Variants in SLC30A6 observed in about 807,000 individuals in gnomAD.
SLC30A6 encodes zinc transporter 6.
SLC30A6 carries 55 observed loss-of-function variants against 63.0 expected under a neutral mutation model. The observed-to-expected ratio is 0.87, with a 90% CI of 0.70 to 1.09. SLC30A6 has a LOEUF of 1.09. Among genes scored for constraint, SLC30A6 ranks in the 50% least tolerant of loss-of-function variants. The probability of loss-of-function intolerance (pLI) is 0.00; values close to 1 mark genes in which losing one functional copy is unlikely to be tolerated. For missense variants in SLC30A6, 587 were observed against 549.2 expected (o/e 1.07, Z -0.69); for synonymous variants, 224 against 186.1 (o/e 1.20, Z -1.66).
Position 32,193,944 on chromosome 2 carries a change from CT to C in SLC30A6, c.460del (p.Ser154LeufsTer45). 6.2e-7 allele frequency: 1 copy of C among 1,613,524 alleles called. No homozygotes were observed. Among genetic ancestry groups the C allele is most frequent in the Non-Finnish European group, 8.5e-7 (1 of 1,179,726 alleles). ...VALCFNLFTM[L>X]SIRNKPFAYV... ...TCTTTGTTTCAACCTGTTCACGATG[CT>C]TTCTATTCGGAATAAACCTTTTGCT... On this transcript the variant is annotated frameshift_variant, in exon 8 of 14. Coordinates refer to ENST00000282587, the MANE Select transcript of SLC30A6 (RefSeq NM_017964.5). LOFTEE classifies it high-confidence loss of function.
intron 5 of SLC30A6, among the ~76,000 whole-genome samples, chr2:32,188,723 C>G (rs1372396042): frequency 1.3e-5 from 2 of 152,082 alleles, no homozygotes; most frequent in Non-Finnish European, 2.9e-5. Flanking sequence ...GGGACCCTGT[C>G]TTGTTTTCTG....
chr2:32,205,231 C>T (rs1684648282), intron 11 of SLC30A6, among the ~76,000 whole-genome samples: 2 of 152,064 alleles, frequency 1.3e-5, no homozygotes, highest in African/African-American at 4.8e-5. Context: ...CCAGCCTGGC[C>T]AACATGGTGA....
intron 6 of SLC30A6, 70 bp from the exon 7 acceptor site, chr2:32,192,848 G>T: frequency 1.0e-6 from 1 of 981,490 alleles, no homozygotes; most frequent in Non-Finnish European, 1.5e-6. Flanking sequence ...GTGGGTGAAT[G>T]ATATATTTAA....
intron 13 of SLC30A6, among the ~76,000 whole-genome samples, chr2:32,214,813 T>A (rs139978976): frequency 1.9e-3 from 293 of 152,368 alleles, no homozygotes; most frequent in African/African-American, 6.6e-3. Context: ...TTATTTTAAT[T>A]ACTTTGATTT....
chr2:32,205,492 A>C (rs1377371378), intron 11 of SLC30A6, among the ~76,000 whole-genome samples: 1 of 152,066 alleles, frequency 6.6e-6, no homozygotes, highest in Non-Finnish European at 1.5e-5. Flanking sequence ...TAGTTACTGG[A>C]AGCCCCTGCT....
At chr2:32,213,796 C>CTTTTTTTTTTT (rs767073182) in intron 13 of SLC30A6, among the ~76,000 whole-genome samples, 1 of 106,776 alleles carries the variant, frequency 9.4e-6, no homozygotes, top group Non-Finnish European at 1.8e-5. Context: ...CTAGGATAAA[C>CTTTTTTTTTTT]TTTTTTTTTT....
intron 5 of SLC30A6, among the ~76,000 whole-genome samples, chr2:32,184,679 C>T (rs1358660636): frequency 1.3e-5 from 2 of 152,118 alleles, no homozygotes; most frequent in East Asian, 1.9e-4. Context: ...ACAGGAGAAT[C>T]GCTGGAACCC....
At chr2:32,211,057 A>AT (rs901698383) in intron 13 of SLC30A6, among the ~76,000 whole-genome samples, 4 of 152,072 alleles carry the variant, frequency 2.6e-5, no homozygotes, top group Non-Finnish European at 4.4e-5. Context: ...TTTTAAGCTA[A>AT]TTTTCTCGCT....
chr2:32,206,638 G>T (rs1041477088), intron 11 of SLC30A6, among the ~76,000 whole-genome samples: 13 of 152,104 alleles, frequency 8.5e-5, no homozygotes, highest in African/African-American at 2.9e-4. Context: ...ATTTTTTGTT[G>T]GTTGGTTGGT....
chr2:32,209,681 C>G (rs1181957492), intron 13 of SLC30A6, 120 bp downstream of exon 13: 19 of 800,092 alleles, frequency 2.4e-5, no homozygotes, highest in Non-Finnish European at 3.7e-5. Context: ...TTATGTTAAG[C>G]AGAGTCTAAA....
At chr2:32,219,399 CCCT>C (rs1685972988) in intron 13 of SLC30A6, among the ~76,000 whole-genome samples, 1 of 151,788 alleles carries the variant, frequency 6.6e-6, no homozygotes, top group Admixed American at 6.6e-5. Context: ...TCTTCTCTCT[CCCT>C]CCTCCTTCTT....
In SLC30A6 at chr2:32,183,164, G is replaced by A. The variant is rs1018117097; in HGVS notation, c.219-1109G>A. Among the ~76,000 whole-genome samples the A allele has an allele frequency of 2.6e-5, 4 of 152,018 alleles. No individual in the cohort carries two copies. The East Asian group carries it at 7.7e-4, about 29-fold the overall frequency. ...ATCGCGCCATTGCACTCCAGCCTGG[G>A]CGATAGAGTGAGACTCCATCTAAAA... On this transcript the variant is annotated intron_variant, in intron 4 of 13. Transcript: ENST00000282587.
At chr2:32,175,610 GAAAGT>G (rs68111912) in intron 4 of SLC30A6, among the ~76,000 whole-genome samples, 15,132 of 152,154 alleles carry the variant, frequency 0.099, 800 homozygotes, top group Middle Eastern at 0.21. Flanking sequence ...TTGCTTAAAG[GAAAGT>G]AATCTACTAA....
chr2:32,203,360 G>A, intron 10 of SLC30A6: 1 of 969,280 alleles, frequency 1.0e-6, no homozygotes, highest in Non-Finnish European at 1.7e-6. Context: ...TTCTACAATG[G>A]ATTTAGTTAA....
chr2:32,190,809 A>G (rs1683262135), intron 5 of SLC30A6, among the ~76,000 whole-genome samples: 1 of 152,166 alleles, frequency 6.6e-6, no homozygotes, highest in Non-Finnish European at 1.5e-5. Context: ...TATTTTTAGT[A>G]GAGACTGGGT....
chr2:32,192,778 T>C (rs1683447508), intron 6 of SLC30A6, 140 bp from the exon 7 acceptor site: 1 of 529,492 alleles, frequency 1.9e-6, no homozygotes, highest in East Asian at 3.3e-5. Context: ...ATGAGTCTCC[T>C]TGCCTCATCA....
At chr2:32,166,267 A>T (rs972870018) in intron 1 of SLC30A6, among the ~76,000 whole-genome samples, 1 of 152,102 alleles carries the variant, frequency 6.6e-6, no homozygotes, top group Non-Finnish European at 1.5e-5. Context: ...CAACAACTGT[A>T]ATAGTGATTC....
rs144777220 is a variant in SLC30A6 at position 32,172,315 on chromosome 2, C to T, written c.90+942C>T. Among the ~76,000 whole-genome samples, 1,431 of 152,262 alleles carry T rather than the reference C, an allele frequency of 9.4e-3. 26 individuals are homozygous for T. Among genetic ancestry groups the T allele is most frequent in the South Asian group, 0.049 (235 of 4,824 alleles). On this transcript the variant is annotated intron_variant, in intron 2 of 13. Transcript: ENST00000282587. The stretch of plus-strand genomic sequence containing the variant: ...CCATATTTTCACTATTTTTCAACTC[C>T]GTTATCCTCATTTGCTTCCTTATCC...
At chr2:32,198,009 T>C (rs1683950761) in intron 10 of SLC30A6, among the ~76,000 whole-genome samples, 183 bp downstream of exon 10, 1 of 152,192 alleles carries the variant, frequency 6.6e-6, no homozygotes, top group African/African-American at 2.4e-5. Context: ...TCAATAAGTA[T>C]TTCTTACCAC....
Sources: allele counts gnomAD v4.1 joint callset (sites outside exome capture counted in the v4.1 genomes callset), GRCh38; gene constraint gnomAD v4.1.1; transcripts MANE v1.5; gene names NCBI Gene and HGNC (gene_info 2026-07-23, HGNC 2026-07-21).